Variants in MAD1L1 observed in about 807,000 individuals in gnomAD.
MAD1L1 encodes the protein mitotic arrest deficient 1 like 1.
MAD1L1 carries 95 observed loss-of-function variants against 96.9 expected under a neutral mutation model. That is an observed-to-expected ratio of 0.98 (90% CI 0.83 to 1.16). The LOEUF (loss-of-function observed/expected upper bound fraction) is 1.16, where lower values mean the gene tolerates loss of function less well. Ranked by LOEUF, MAD1L1 falls within the 50% of genes most tolerant of loss-of-function variation. The probability of loss-of-function intolerance (pLI) is 0.00; values close to 1 mark genes in which losing one functional copy is unlikely to be tolerated. For missense variants in MAD1L1, 1,007 were observed against 954.4 expected, an observed-to-expected ratio of 1.06 and a Z score of -0.73; for synonymous variants, 473 against 396.6, an observed-to-expected ratio of 1.19 and a Z score of -2.29.
chr7:1,874,496 C>T (rs1785273826), intron 18 of MAD1L1: 1 of 454,326 alleles, frequency 2.2e-6, no homozygotes, highest in Non-Finnish European at 4.4e-6. Flanking sequence ...ACCTTTTGAT[C>T]TTGATAATCC....
At chr7:1,828,728 C>A (rs527250971) in intron 18 of MAD1L1, among the ~76,000 whole-genome samples, 1 of 151,884 alleles carries the variant, frequency 6.6e-6, no homozygotes, top group South Asian at 2.1e-4. Context: ...CACAGGCACA[C>A]GCACACATGC....
At chr7:2,002,764 T>C (rs1053837800) in intron 13 of MAD1L1, among the ~76,000 whole-genome samples, 5 of 152,184 alleles carry the variant, frequency 3.3e-5, no homozygotes, top group Non-Finnish European at 5.9e-5. Context: ...CTGGGTCTGG[T>C]TGTGGGGCCA....
chr7:2,022,092 A>G (rs1001870394), intron 12 of MAD1L1, among the ~76,000 whole-genome samples: 2 of 152,064 alleles, frequency 1.3e-5, no homozygotes, highest in East Asian at 3.9e-4. Context: ...AGTCGCTGGG[A>G]CTGCAGCTGT....
At chr7:1,885,029 A>T (rs1324380823) in intron 18 of MAD1L1, among the ~76,000 whole-genome samples, 1 of 152,254 alleles carries the variant, frequency 6.6e-6, no homozygotes, top group Non-Finnish European at 1.5e-5. Flanking sequence ...AAACCCATAC[A>T]TGTGAATGGT....
intron 10 of MAD1L1, among the ~76,000 whole-genome samples, chr7:2,157,908 G>A (rs1280884625): frequency 3.3e-5 from 5 of 152,168 alleles, no homozygotes; most frequent in African/African-American, 9.7e-5. Context: ...AGGAGGAGCC[G>A]TGCCAAGTAT....
At chr7:1,927,574 T>A (rs1282917410) in intron 17 of MAD1L1, among the ~76,000 whole-genome samples, 1 of 152,094 alleles carries the variant, frequency 6.6e-6, no homozygotes, top group Non-Finnish European at 1.5e-5. Context: ...GGTGCAAACA[T>A]AATTCAATGG....
intron 17 of MAD1L1, among the ~76,000 whole-genome samples, chr7:1,898,835 G>T (rs1256431152): frequency 1.3e-5 from 2 of 152,212 alleles, no homozygotes; most frequent in Non-Finnish European, 2.9e-5. Context: ...TGAGGAGCCG[G>T]TGCTGAGGAT....
At chr7:2,222,552 T>G in intron 5 of MAD1L1, 23 bp downstream of exon 5, 1 of 1,547,256 alleles carries the variant, frequency 6.5e-7, no homozygotes, top group Non-Finnish European at 8.7e-7. Context: ...AACAGCTCCC[T>G]GCGCAGCAGA....
intron 12 of MAD1L1, among the ~76,000 whole-genome samples, chr7:2,030,984 G>A (rs565174386): frequency 2.8e-4 from 43 of 152,278 alleles, no homozygotes; most frequent in African/African-American, 9.4e-4. Context: ...CAATAAACCC[G>A]GTTTACTGTT....
chr7:2,125,370 C>G (rs1019672516), intron 11 of MAD1L1, among the ~76,000 whole-genome samples: 5 of 152,172 alleles, frequency 3.3e-5, no homozygotes, highest in African/African-American at 9.7e-5. Flanking sequence ...GAGCCACCCA[C>G]GCATCCTTCC....
At chr7:2,138,086 C>T (rs919030900) in intron 11 of MAD1L1, among the ~76,000 whole-genome samples, 1 of 152,254 alleles carries the variant, frequency 6.6e-6, no homozygotes, top group African/African-American at 2.4e-5. Context: ...TTCACCAGGG[C>T]TGCACCCACG....
chr7:2,102,615 G>T (rs906068758), intron 11 of MAD1L1, among the ~76,000 whole-genome samples: 1 of 149,672 alleles, frequency 6.7e-6, no homozygotes, highest in South Asian at 2.1e-4. Flanking sequence ...TGACACCACG[G>T]TCTCCACCAC....
At chr7:2,102,557 C>T (rs1349653055) in intron 11 of MAD1L1, among the ~76,000 whole-genome samples, 1 of 152,078 alleles carries the variant, frequency 6.6e-6, no homozygotes, top group Non-Finnish European at 1.5e-5. Context: ...ACCATCACAA[C>T]TGTCACCATC....
chr7:2,191,759 G>A (rs1179193730), intron 10 of MAD1L1, among the ~76,000 whole-genome samples: 2 of 151,686 alleles, frequency 1.3e-5, no homozygotes, highest in Admixed American at 1.3e-4. Flanking sequence ...TAAGCCGGGT[G>A]CGGTGTCTCA....
At chr7:1,981,090 C>T (rs550051723) in intron 14 of MAD1L1, among the ~76,000 whole-genome samples, 8 of 152,220 alleles carry the variant, frequency 5.3e-5, no homozygotes, top group Non-Finnish European at 8.8e-5. Flanking sequence ...CCTCAGCCTC[C>T]TGAGTAGCTG....
intron 18 of MAD1L1, among the ~76,000 whole-genome samples, chr7:1,897,410 A>C (rs1046668299): frequency 2.4e-4 from 37 of 152,256 alleles, no homozygotes; most frequent in African/African-American, 8.9e-4. Flanking sequence ...AAGCAGCCAC[A>C]TGCCAAGACG....
At chr7:2,035,118 G>T (rs1033464132) in intron 12 of MAD1L1, among the ~76,000 whole-genome samples, 2 of 152,262 alleles carry the variant, frequency 1.3e-5, no homozygotes, top group African/African-American at 4.8e-5. Context: ...TGCCAGACAC[G>T]ATGTGGGAGA....
At chr7:1,998,800 C>T (rs1359251036) in intron 14 of MAD1L1, among the ~76,000 whole-genome samples, 1 of 151,436 alleles carries the variant, frequency 6.6e-6, no homozygotes, top group Admixed American at 6.6e-5. Flanking sequence ...AACACCTGCA[C>T]TCAGGGGAAC....
intron 15 of MAD1L1, among the ~76,000 whole-genome samples, chr7:1,967,007 C>G (rs907497287): frequency 6.6e-6 from 1 of 152,242 alleles, no homozygotes; most frequent in Non-Finnish European, 1.5e-5. Flanking sequence ...GAAGGAGGAA[C>G]AGATGGCAGC....
Sources: allele counts gnomAD v4.1 joint callset (sites outside exome capture counted in the v4.1 genomes callset), GRCh38; gene constraint gnomAD v4.1.1; transcripts MANE v1.5; gene names NCBI Gene and HGNC (gene_info 2026-07-23, HGNC 2026-07-21).